LINGO2: variants seen among roughly 807,000 people sequenced by gnomAD.
The protein encoded by LINGO2 is leucine rich repeat and Ig domain containing 2.
LINGO2 carries 14 observed loss-of-function variants against 30.6 expected under a neutral mutation model. The ratio of observed to expected loss-of-function variants is 0.46; its 90% CI spans 0.30 to 0.72. The LOEUF is 0.72. Ranked by LOEUF, LINGO2 falls within the 30% of genes least tolerant of loss-of-function variation. The pLI is 0.07. For synonymous variants in LINGO2, 317 were observed against 288.5 expected, an observed-to-expected ratio of 1.10 and a Z score of -1.00; for missense variants, 729 against 751.7, an observed-to-expected ratio of 0.97 and a Z score of 0.35.
the LINGO2 span, among the ~76,000 whole-genome samples, chr9:28,716,997 C>T: frequency 0.37 from 56,261 of 151,626 alleles, 11,728 homozygotes; most frequent in African/African-American, 0.55. Context: ...CAATTATAGA[C>T]AATAATATTG....
chr9:28,551,153 C>G (rs376085207), intron 1 of LINGO2, among the ~76,000 whole-genome samples: 4 of 151,610 alleles, frequency 2.6e-5, no homozygotes, highest in Admixed American at 2.6e-4. Context: ...ATCATTAAAG[C>G]AAGTCTTGTA....
At chr9:28,803,862 T>C in the LINGO2 span, among the ~76,000 whole-genome samples, 1 of 152,152 alleles carries the variant, frequency 6.6e-6, no homozygotes. Flanking sequence ...ACTGTCATGA[T>C]GCTACCTTTA....
chr9:29,060,513 A>C, the LINGO2 span, among the ~76,000 whole-genome samples: 2 of 152,100 alleles, frequency 1.3e-5, no homozygotes, highest in African/African-American at 4.8e-5. Flanking sequence ...TAAATGTCCA[A>C]GACACAATCC....
chr9:28,833,097 C>A, the LINGO2 span, among the ~76,000 whole-genome samples: 1 of 152,106 alleles, frequency 6.6e-6, no homozygotes, highest in Non-Finnish European at 1.5e-5. Flanking sequence ...AGGAACCAGA[C>A]CTCATCCTCC....
chr9:28,891,801 T>C, the LINGO2 span, among the ~76,000 whole-genome samples: 1 of 151,876 alleles, frequency 6.6e-6, no homozygotes, highest in Non-Finnish European at 1.5e-5. Flanking sequence ...ATAAAGAAAA[T>C]GGTCAAAGTC....
At chr9:29,105,873 C>G in the LINGO2 span, among the ~76,000 whole-genome samples, 1 of 152,124 alleles carries the variant, frequency 6.6e-6, no homozygotes, top group Admixed American at 6.5e-5. Context: ...ACAGAGATTT[C>G]AGTCCTACAT....
At chr9:29,183,921 T>A in the LINGO2 span, among the ~76,000 whole-genome samples, 1 of 151,898 alleles carries the variant, frequency 6.6e-6, no homozygotes, top group African/African-American at 2.4e-5. Context: ...TACCTACAAA[T>A]GTAACACTTG....
the LINGO2 span, among the ~76,000 whole-genome samples, chr9:28,847,758 CACA>C: frequency 2.7e-5 from 1 of 37,506 alleles, no homozygotes; most frequent in African/African-American, 8.1e-5. Flanking sequence ...TATATATATA[CACA>C]CACATATGTG....
intron 5 of LINGO2, among the ~76,000 whole-genome samples, chr9:27,986,619 G>A (rs752672369): frequency 4.6e-5 from 7 of 151,864 alleles, no homozygotes; most frequent in South Asian, 2.1e-4. Flanking sequence ...GAAAGAAAGG[G>A]ACTGCAGGTC....
chr9:28,040,169 G>C (rs1342063696), intron 4 of LINGO2, among the ~76,000 whole-genome samples: 1 of 151,262 alleles, frequency 6.6e-6, no homozygotes, highest in Non-Finnish European at 1.5e-5. Context: ...TATTTTTTTT[G>C]CTGCTATTAG....
chr9:28,367,933 T>C (rs1297769069), intron 3 of LINGO2, among the ~76,000 whole-genome samples: 2 of 152,100 alleles, frequency 1.3e-5, no homozygotes, highest in East Asian at 3.9e-4. Context: ...TTTTCAACTT[T>C]CTGGAAACTC....
chr9:28,214,637 T>C (rs889893232), intron 4 of LINGO2, among the ~76,000 whole-genome samples: 103 of 151,704 alleles, frequency 6.8e-4, no homozygotes, highest in African/African-American at 2.2e-3. Flanking sequence ...TATAGCTCTA[T>C]AATAGGGGAA....
At chr9:28,998,684 T>C in the LINGO2 span, among the ~76,000 whole-genome samples, 1 of 151,798 alleles carries the variant, frequency 6.6e-6, no homozygotes, top group Non-Finnish European at 1.5e-5. Flanking sequence ...CAGAAGAAAA[T>C]GTGATGGAAA....
At position 28,638,226 on chromosome 9, in the gene LINGO2, T is replaced by A. The variant is rs1274698379; in HGVS notation, c.-365+31974A>T. On this transcript the variant is annotated intron_variant, in intron 1 of 5. Transcript: ENST00000379992. ...TGCTGCTGGATTCTTTTTGCCAGTA[T>A]TTAATTGAGGATTTCTGCATCGATG... is the stretch of plus-strand genomic sequence containing the variant. Among the ~76,000 whole-genome samples, 5 of 152,186 alleles carry A rather than the reference T, an allele frequency of 3.3e-5. 1 individual carries two copies. The highest frequency in any genetic ancestry group is 2.6e-4 in the Admixed American group (4 of 15,278).
intron 4 of LINGO2, among the ~76,000 whole-genome samples, chr9:28,163,622 C>T (rs1368251182): frequency 6.6e-6 from 1 of 151,964 alleles, no homozygotes; most frequent in African/African-American, 2.4e-5. Flanking sequence ...TTTAGTTGCT[C>T]TTAAACAAAG....
chr9:28,915,556 G>T, the LINGO2 span, among the ~76,000 whole-genome samples: 1 of 152,024 alleles, frequency 6.6e-6, no homozygotes, highest in Non-Finnish European at 1.5e-5. Context: ...CTTTCTGTTG[G>T]GCCTCACTTA....
At chr9:28,636,212 C>T (rs1307467096) in intron 1 of LINGO2, among the ~76,000 whole-genome samples, 1 of 152,192 alleles carries the variant, frequency 6.6e-6, no homozygotes, top group East Asian at 1.9e-4. Flanking sequence ...TTTTCTTAAT[C>T]CAGTCTATCG....
chr9:28,548,737 A>G (rs1411832146), intron 1 of LINGO2, among the ~76,000 whole-genome samples: 1 of 146,184 alleles, frequency 6.8e-6, no homozygotes, highest in East Asian at 2.0e-4. Context: ...AAAATATTTG[A>G]TTCTATATAA....
At chr9:28,226,735 C>T (rs1821183718) in intron 4 of LINGO2, among the ~76,000 whole-genome samples, 1 of 151,724 alleles carries the variant, frequency 6.6e-6, no homozygotes, top group Non-Finnish European at 1.5e-5. Context: ...GAGGAAACTG[C>T]ATATTATGAT....
Sources: gnomAD v4.1 joint callset for allele counts (sites outside exome capture counted in the v4.1 genomes callset) on GRCh38, gnomAD v4.1.1 for gene constraint, MANE v1.5 for transcripts, NCBI Gene and HGNC (gene_info 2026-07-23, HGNC 2026-07-21) for gene names.